SYTL3: variants seen among roughly 807,000 people sequenced by gnomAD.
The protein encoded by SYTL3 is synaptotagmin like 3.
A neutral mutation model predicts 82.1 loss-of-function variants in SYTL3; 88 were observed. That is an observed-to-expected ratio of 1.07 (90% CI 0.90 to 1.28). The LOEUF (loss-of-function observed/expected upper bound fraction) is 1.28, where lower values mean the gene tolerates loss of function less well. SYTL3 is among the 50% of genes most tolerant of loss of function. The probability of loss-of-function intolerance (pLI) is 0.00; values close to 1 mark genes in which losing one functional copy is unlikely to be tolerated. For missense variants in SYTL3, 831 were observed against 757.6 expected, an observed-to-expected ratio of 1.10 and a Z score of -1.14; for synonymous variants, 311 against 289.4, an observed-to-expected ratio of 1.07 and a Z score of -0.76.
intron 10 of SYTL3, among the ~76,000 whole-genome samples, chr6:158,720,397 AC>A (rs1290266846): frequency 2.7e-5 from 3 of 111,192 alleles, no homozygotes; most frequent in African/African-American, 1.2e-4. Context: ...CAAGAGTGAA[AC>A]TTTGTCTCAA....
In SYTL3 at chr6:158,763,410, C is replaced by T; in HGVS notation, c.1624C>T (p.Pro542Ser). 6.2e-7 allele frequency: 1 copy of T among 1,614,206 alleles called. No individual in the cohort carries two copies. The highest frequency in any genetic ancestry group is 8.5e-7 in the Non-Finnish European group (1 of 1,180,014). The part of the protein sequence containing the change: ...KHSFVFSGVT[P>S]AQLRQSSLEL... ...CTCATTTGTCTTCAGTGGCGTAACC[C>T]CAGCTCAGCTGAGGCAGTCAAGCTT... is the stretch of plus-strand genomic sequence containing the variant. The change falls in exon 17 of 18, where the codon CCA (proline) becomes TCA (serine). Residue 542 changes from proline to serine, a missense_variant. Physicochemically the swap from Pro to Ser is moderately conservative, Grantham distance 74. Coordinates refer to ENST00000611299, the MANE Select transcript of SYTL3 (RefSeq NM_001242394.2).
At chr6:158,694,861 A>C (rs1237453273) in intron 6 of SYTL3, among the ~76,000 whole-genome samples, 1 of 152,056 alleles carries the variant, frequency 6.6e-6, no homozygotes, top group Non-Finnish European at 1.5e-5. Context: ...AGGTCACTTT[A>C]GGCAGCCTAC....
chr6:158,700,895 C>T (rs532440129), intron 6 of SYTL3, among the ~76,000 whole-genome samples: 2 of 152,296 alleles, frequency 1.3e-5, no homozygotes, highest in South Asian at 2.1e-4. Context: ...GGATTACAGG[C>T]ATGAGCCACC....
chr6:158,739,375 A>G (rs1446305568), intron 11 of SYTL3, among the ~76,000 whole-genome samples: 1 of 152,118 alleles, frequency 6.6e-6, no homozygotes, highest in African/African-American at 2.4e-5. Context: ...GATTTTAAGC[A>G]ATGTTATTAT....
intron 11 of SYTL3, among the ~76,000 whole-genome samples, chr6:158,734,951 T>C (rs1785940403): frequency 6.6e-6 from 1 of 152,218 alleles, no homozygotes; most frequent in African/African-American, 2.4e-5. Flanking sequence ...TCACAGAGTT[T>C]AAAGCGACTT....
upstream of SYTL3, among the ~76,000 whole-genome samples, chr6:158,645,545 A>G (rs1055530891): frequency 6.6e-6 from 1 of 152,148 alleles, no homozygotes; most frequent in Admixed American, 6.5e-5. Context: ...TTCCCCAAGA[A>G]AGAGCTGACT....
At chr6:158,647,083 T>C (rs1787527658), upstream of SYTL3, among the ~76,000 whole-genome samples, 1 of 152,230 alleles carries the variant, frequency 6.6e-6, no homozygotes. Flanking sequence ...TTTTCAATTT[T>C]CCCCACAACC....
chr6:158,705,238 CTG>C (rs1334925930), intron 6 of SYTL3, among the ~76,000 whole-genome samples: 684 of 11,468 alleles, frequency 0.06, 282 homozygotes, highest in Middle Eastern at 0.2. Flanking sequence ...ACAGTGAGGG[CTG>C]TAAGGCCACA....
Position 158,725,941 on chromosome 6 carries a change from T to A in SYTL3, c.855+304T>A, listed in dbSNP as rs142645482. On this transcript the variant is annotated intron_variant, in intron 11 of 17. Transcript: ENST00000611299. ...GCATTCTGCAACTCGCGTAAACAGA[T>A]AGGGCAGGAGGGCGCCGGTCAGCTT... 4.7e-3 allele frequency: 3,218 copies of A among 677,698 alleles called. 14 individuals are homozygous for A. The highest frequency in any genetic ancestry group is 6.3e-3 in the Non-Finnish European group (2,257 of 357,724). The allele number at this position is 677,698 out of a possible 1,614,324, so 42.0% of individuals were successfully genotyped here.
intron 2 of SYTL3, among the ~76,000 whole-genome samples, chr6:158,653,330 AACCCTGTCTCTACTAAAAAT>A (rs1788267637): frequency 6.6e-6 from 1 of 152,046 alleles, no homozygotes; most frequent in Non-Finnish European, 1.5e-5. Context: ...AACATGAAGA[AACCCTGTCTCTACTAAAAAT>A]ACAAAATTAG....
At chr6:158,734,385 G>A (rs1785857788) in intron 11 of SYTL3, among the ~76,000 whole-genome samples, 1 of 152,024 alleles carries the variant, frequency 6.6e-6, no homozygotes, top group Non-Finnish European at 1.5e-5. Context: ...ACATAGCCAA[G>A]TACGTGGGCT....
intron 6 of SYTL3, among the ~76,000 whole-genome samples, chr6:158,694,456 A>G (rs6937201): frequency 0.66 from 99,789 of 151,618 alleles, 35,118 homozygotes; most frequent in African/African-American, 0.91. Flanking sequence ...CACCACGCCC[A>G]GTTAGTTTTT....
Position 158,674,101 on chromosome 6 carries a change from A to AATAATAATAAT in SYTL3, c.329+8490_329+8500dup, listed in dbSNP as rs1554244729. Among the ~76,000 whole-genome samples the AATAATAATAAT allele has an allele frequency of 5.2e-4, 73 of 140,596 alleles. 2 individuals carry two copies. In the East Asian group the frequency reaches 0.013, roughly 25 times the overall value. The allele number at this position is 140,596 out of a possible 152,430, so 92.2% of individuals were successfully genotyped here. ...TGTGTCTCAAAATAATAATAATAAT[A>AATAATAATAAT]ATAATAATAATAATAATAATGATGA... On this transcript the variant is annotated intron_variant, in intron 5 of 17. Coordinates refer to ENST00000611299, the MANE Select transcript of SYTL3 (RefSeq NM_001242394.2).
chr6:158,648,523 G>A (rs1787645336), upstream of SYTL3, among the ~76,000 whole-genome samples: 2 of 150,800 alleles, frequency 1.3e-5, no homozygotes, highest in African/African-American at 2.4e-5. Flanking sequence ...CCCGGGAGGC[G>A]GAGCTTGCAG....
chr6:158,764,385 A>T, intron 17 of SYTL3, 110 bp from the exon 18 acceptor site: 1 of 751,182 alleles, frequency 1.3e-6, no homozygotes, highest in East Asian at 2.6e-5. Flanking sequence ...TGGCCTTTTA[A>T]TGTGGACTTG....
chr6:158,723,403 T>G (rs941230886), intron 10 of SYTL3, among the ~76,000 whole-genome samples: 10 of 152,162 alleles, frequency 6.6e-5, no homozygotes, highest in Non-Finnish European at 1.3e-4. Flanking sequence ...GGCTTTTAGT[T>G]CATGCTGCCA....
chr6:158,660,488 G>T (rs1248263393), intron 2 of SYTL3, among the ~76,000 whole-genome samples: 1 of 152,208 alleles, frequency 6.6e-6, no homozygotes, highest in Non-Finnish European at 1.5e-5. Flanking sequence ...ACAGGCGGGG[G>T]TTTGGGAAAG....
chr6:158,762,667 A>C (rs1790133098), intron 16 of SYTL3, among the ~76,000 whole-genome samples: 1 of 152,192 alleles, frequency 6.6e-6, no homozygotes. Context: ...CTGTAATCCC[A>C]GCACTTTGGG....
chr6:158,659,145 G>C (rs1027760715), intron 2 of SYTL3, among the ~76,000 whole-genome samples: 1 of 152,158 alleles, frequency 6.6e-6, no homozygotes, highest in Non-Finnish European at 1.5e-5. Flanking sequence ...CACATACCTC[G>C]AGTTCTCTAA....
Sources: allele counts gnomAD v4.1 joint callset (sites outside exome capture counted in the v4.1 genomes callset), GRCh38; gene constraint gnomAD v4.1.1; transcripts MANE v1.5; gene names NCBI Gene and HGNC (gene_info 2026-07-23, HGNC 2026-07-21).